Variants in RARB observed in about 807,000 individuals in gnomAD.
RARB encodes HBV-activated protein.
RARB carries 17 observed loss-of-function variants against 51.9 expected under a neutral mutation model. That is an observed-to-expected ratio of 0.33 (90% CI 0.22 to 0.49). The LOEUF is 0.49. Among genes scored for constraint, RARB ranks in the 20% least tolerant of loss-of-function variants. RARB has a pLI of 0.99. For synonymous variants in RARB, 215 were observed against 195.4 expected (o/e 1.10, Z -0.84); for missense variants, 369 against 550.8 (o/e 0.67, Z 3.30).
rs569110396 is a variant in RARB at position 25,199,923 on chromosome 3, C to T, written c.178+25348C>T. 4.6e-5 allele frequency among the ~76,000 whole-genome samples: 7 copies of T among 152,130 alleles called. No homozygotes were observed. In the East Asian group the frequency reaches 9.7e-4, roughly 21 times the overall value. On this transcript the variant is annotated intron_variant, in intron 5 of 11. Coordinates refer to the RARB transcript ENST00000383772. ...ATAAACATATGTGTGCATGTGTCTT[C>T]ATAGCAGCATGATTTATAATCCTTT... is the stretch of plus-strand genomic sequence containing the variant.
chr3:25,345,983 C>T (rs968706373), intron 5 of RARB: 7 of 652,960 alleles, frequency 1.1e-5, no homozygotes, highest in Non-Finnish European at 1.3e-5. Context: ...TTGGGGCTGG[C>T]TCCGATGAGT....
intron 4 of RARB, among the ~76,000 whole-genome samples, chr3:25,577,287 T>C (rs1418717494): frequency 6.6e-6 from 1 of 152,180 alleles, no homozygotes; most frequent in African/African-American, 2.4e-5. Flanking sequence ...TAATGGTGCC[T>C]ACCGCATGGG....
intron 5 of RARB, among the ~76,000 whole-genome samples, chr3:25,322,142 C>T (rs1018271309): frequency 1.5e-5 from 2 of 132,732 alleles, no homozygotes; most frequent in East Asian, 2.2e-4. Flanking sequence ...TTCCCAAATA[C>T]GTATGGAAAT....
At chr3:25,557,807 C>T (rs1700122303) in intron 3 of RARB, among the ~76,000 whole-genome samples, 1 of 152,154 alleles carries the variant, frequency 6.6e-6, no homozygotes, top group African/African-American at 2.4e-5. Context: ...CAAGTTCACA[C>T]AATCACATGA....
chr3:25,385,644 A>AAT lies in RARB; in HGVS notation c.179-75534_179-75533dup, dbSNP rs146277516. On this transcript the variant is annotated intron_variant, in intron 5 of 11. Coordinates refer to the RARB transcript ENST00000383772. ...GTTGACCTCCTGCAATTGCATTTAA[A>AAT]ATATATATATATATATTGCTGTTTG... 3.6e-3 allele frequency among the ~76,000 whole-genome samples: 536 copies of AAT among 150,468 alleles called. 2 individuals carry two copies. Among genetic ancestry groups the AAT allele is most frequent in the Middle Eastern group, 0.024 (7 of 292 alleles).
intron 2 of RARB, among the ~76,000 whole-genome samples, chr3:25,025,716 C>T (rs1284613213): frequency 6.6e-6 from 1 of 152,050 alleles, no homozygotes; most frequent in Non-Finnish European, 1.5e-5. Flanking sequence ...CCTGGGTTTC[C>T]CAAAGTTCTT....
chr3:25,284,192 A>ACTGAATC (rs1703594351), intron 5 of RARB, among the ~76,000 whole-genome samples: 1 of 152,118 alleles, frequency 6.6e-6, no homozygotes, highest in South Asian at 2.1e-4. Context: ...CTCATGAGGA[A>ACTGAATC]CTGAATCCTG....
intron 4 of RARB, among the ~76,000 whole-genome samples, chr3:25,135,670 A>G (rs1314346605): frequency 6.6e-6 from 1 of 152,064 alleles, no homozygotes; most frequent in Non-Finnish European, 1.5e-5. Context: ...AAATGGTAGG[A>G]AGAAAAGAGC....
intron 5 of RARB, among the ~76,000 whole-genome samples, chr3:25,319,753 A>C (rs1472946466): frequency 2.0e-5 from 3 of 152,206 alleles, no homozygotes; most frequent in Non-Finnish European, 4.4e-5. Context: ...TGTAGAGTTA[A>C]GGAGTTTTGC....
chr3:25,477,814 T>C (rs895034890), intron 2 of RARB, among the ~76,000 whole-genome samples: 1 of 152,176 alleles, frequency 6.6e-6, no homozygotes, highest in Non-Finnish European at 1.5e-5. Context: ...GGCTCACAGA[T>C]TGTGGGTCAT....
intron 1 of RARB, among the ~76,000 whole-genome samples, chr3:24,853,103 G>GGGGGATT (rs770380562): frequency 1.3e-4 from 20 of 151,594 alleles, no homozygotes; most frequent in East Asian, 1.2e-3. Flanking sequence ...TCATGAGGTC[G>GGGGGATT]GGGGATTGAG....
intron 3 of RARB, among the ~76,000 whole-genome samples, chr3:25,094,399 G>C (rs115358066): frequency 0.012 from 1,857 of 152,104 alleles, 38 homozygotes; most frequent in African/African-American, 0.043. Flanking sequence ...CCATGAAGAA[G>C]GTAATATCAT....
intron 1 of RARB, among the ~76,000 whole-genome samples, chr3:25,452,465 G>A (rs1709237671): frequency 6.6e-6 from 1 of 152,224 alleles, no homozygotes; most frequent in South Asian, 2.1e-4. Context: ...TCTTTCTAAG[G>A]CCCAAACTAT....
intron 5 of RARB, among the ~76,000 whole-genome samples, chr3:25,330,118 C>A (rs562336798): frequency 1.0e-3 from 152 of 152,138 alleles, no homozygotes; most frequent in African/African-American, 3.4e-3. Context: ...AGAGCTTCCC[C>A]AAGCCAGCAA....
chr3:25,050,117 C>G lies in RARB; in HGVS notation c.-379-10008C>G, dbSNP rs78481880. 7.1e-3 allele frequency among the ~76,000 whole-genome samples: 1,073 copies of G among 152,182 alleles called. 8 individuals are homozygous for G. The highest frequency in any genetic ancestry group is 0.024 in the African/African-American group (1,003 of 41,532). On this transcript the variant is annotated intron_variant, in intron 2 of 11. Coordinates refer to the RARB transcript ENST00000383772. ...GAAACGTGGAAAAGCATATGCCAAG[C>G]TTGTATGAATGTGACAAGTTTCTGG...
intron 5 of RARB, among the ~76,000 whole-genome samples, chr3:25,305,807 G>T (rs1463147740): frequency 6.6e-6 from 1 of 152,164 alleles, no homozygotes; most frequent in East Asian, 1.9e-4. Context: ...AAGGAAAAGG[G>T]ACTTTGGGTG....
At chr3:25,304,324 A>G (rs1048534183) in intron 5 of RARB, among the ~76,000 whole-genome samples, 3 of 152,106 alleles carry the variant, frequency 2.0e-5, no homozygotes, top group Non-Finnish European at 2.9e-5. Flanking sequence ...TCTTTGCCCA[A>G]GCTTTTCCTT....
intron 2 of RARB, among the ~76,000 whole-genome samples, chr3:24,888,115 C>T (rs957784849): frequency 2.0e-5 from 3 of 152,150 alleles, no homozygotes; most frequent in Admixed American, 1.3e-4. Context: ...CCTACACTTG[C>T]TACACAGAAG....
In RARB at chr3:25,359,001, A is replaced by G. The variant is rs540148874; in HGVS notation, c.179-102192A>G. ...AGGATGATGCTGGTCTCATAAAATG[A>G]GTTAGAGAGGAGTCACTCTTTTTCT... On this transcript the variant is annotated intron_variant, in intron 5 of 11. Transcript: ENST00000383772. 4.0e-5 allele frequency among the ~76,000 whole-genome samples: 6 copies of G among 151,714 alleles called. No individual in the cohort carries two copies. In the South Asian group the frequency reaches 1.2e-3, roughly 32 times the overall value.
Sources: allele counts gnomAD v4.1 joint callset (sites outside exome capture counted in the v4.1 genomes callset), GRCh38; gene constraint gnomAD v4.1.1; transcripts MANE v1.5; gene names NCBI Gene and HGNC (gene_info 2026-07-23, HGNC 2026-07-21).